GAS7: variants seen among roughly 807,000 people sequenced by gnomAD.
GAS7 encodes growth arrest-specific protein 7.
Under a neutral mutation model 71.1 loss-of-function variants are expected in GAS7, and 28 were observed. The ratio of observed to expected loss-of-function variants is 0.39; its 90% CI spans 0.29 to 0.54. The LOEUF is 0.54. Ranked by LOEUF, GAS7 falls within the 20% of genes least tolerant of loss-of-function variation. The pLI, the probability that GAS7 is intolerant of heterozygous loss-of-function variation, is 0.62. For synonymous variants in GAS7, 258 were observed against 245.8 expected, an observed-to-expected ratio of 1.05 and a Z score of -0.46; for missense variants, 436 against 627.8, an observed-to-expected ratio of 0.69 and a Z score of 3.27.
intron 8 of GAS7, among the ~76,000 whole-genome samples, chr17:9,935,193 A>T (rs1254881717): frequency 6.6e-6 from 1 of 152,164 alleles, no homozygotes; most frequent in East Asian, 1.9e-4. Context: ...TCCCACGGCC[A>T]TCCTAGGAAG....
At chr17:10,143,122 C>T (rs2074095942) in intron 1 of GAS7, among the ~76,000 whole-genome samples, 2 of 152,032 alleles carry the variant, frequency 1.3e-5, no homozygotes, top group Non-Finnish European at 2.9e-5. Context: ...TCGGAGGTTT[C>T]AGTGAGCTGA....
At chr17:10,159,462 C>T (rs976505378) in intron 1 of GAS7, among the ~76,000 whole-genome samples, 2 of 152,052 alleles carry the variant, frequency 1.3e-5, no homozygotes, top group African/African-American at 4.8e-5. Context: ...ACACACTACA[C>T]AGCAATGAGA....
intron 1 of GAS7, among the ~76,000 whole-genome samples, chr17:10,194,196 A>G (rs992062648): frequency 2.0e-5 from 3 of 152,234 alleles, no homozygotes; most frequent in African/African-American, 7.2e-5. Context: ...TTATCCAGCC[A>G]GATCCTGGAT....
At chr17:10,050,466 A>G (rs1357528280) in intron 1 of GAS7, among the ~76,000 whole-genome samples, 1 of 152,166 alleles carries the variant, frequency 6.6e-6, no homozygotes, top group Non-Finnish European at 1.5e-5. Flanking sequence ...CAGTACCCAC[A>G]CAGAGCCCTC....
At position 10,034,113 on chromosome 17, in the gene GAS7, C is replaced by T; in HGVS notation, c.184-14216G>A. 1 of 985,228 alleles carries T rather than the reference C, an allele frequency of 1.0e-6. No homozygotes were observed. The highest frequency in any genetic ancestry group is 1.2e-6 in the Non-Finnish European group (1 of 829,746). The allele number at this position is 985,228 out of a possible 1,614,324, so 61.0% of individuals were successfully genotyped here. ...TGCTATGGAGATGTGAGACCTACCA[C>T]TGCTCTGTGCCACCGTGCGAAGAAC... On this transcript the variant is annotated intron_variant, in intron 1 of 13. Transcript: ENST00000432992. The surrounding 1 kb of genome is among the most constrained non-coding windows in gnomAD (Gnocchi z 4.4).
intron 3 of GAS7, among the ~76,000 whole-genome samples, chr17:9,971,205 TG>T (rs2069946547): frequency 1.3e-5 from 2 of 152,092 alleles, no homozygotes; most frequent in South Asian, 4.2e-4. Flanking sequence ...CAGACCAGCC[TG>T]GGCAACATAG....
intron 11 of GAS7, among the ~76,000 whole-genome samples, chr17:9,923,641 T>C (rs1232627530): frequency 6.6e-6 from 1 of 152,250 alleles, no homozygotes; most frequent in Admixed American, 6.5e-5. Context: ...CAAATCTTGA[T>C]AACACACAAT....
chr17:10,126,440 A>T (rs932136208), intron 1 of GAS7, among the ~76,000 whole-genome samples: 1 of 151,456 alleles, frequency 6.6e-6, no homozygotes. Flanking sequence ...GCAGATGCAC[A>T]CACGCGCGCG....
intron 1 of GAS7, among the ~76,000 whole-genome samples, chr17:10,168,743 C>T (rs544421524): frequency 1.1e-3 from 167 of 152,210 alleles, no homozygotes; most frequent in African/African-American, 3.2e-3. Flanking sequence ...GAGGCTGAGG[C>T]GGGCGGATCA....
intron 1 of GAS7, among the ~76,000 whole-genome samples, chr17:10,150,437 C>T (rs1418011797): frequency 1.3e-5 from 2 of 151,822 alleles, no homozygotes; most frequent in Non-Finnish European, 2.9e-5. Context: ...CACACACACA[C>T]ACACACACAC....
At chr17:9,982,928 A>T (rs1370297957) in intron 2 of GAS7, among the ~76,000 whole-genome samples, 2 of 152,202 alleles carry the variant, frequency 1.3e-5, no homozygotes, top group Non-Finnish European at 2.9e-5. Flanking sequence ...TGTCCCCCAA[A>T]CACTACTTTA....
chr17:9,985,274 G>A (rs1040333908), intron 2 of GAS7, among the ~76,000 whole-genome samples: 1 of 152,140 alleles, frequency 6.6e-6, no homozygotes, highest in Non-Finnish European at 1.5e-5. Context: ...GAAAATCCCT[G>A]GCTAGCTCCT....
intron 1 of GAS7, among the ~76,000 whole-genome samples, chr17:10,168,712 C>T (rs926106527): frequency 9.2e-5 from 14 of 152,198 alleles, no homozygotes; most frequent in African/African-American, 3.4e-4. Context: ...GTGGCTCATG[C>T]CTGTAATCCC....
chr17:9,929,264 GA>G (rs1330103392), intron 9 of GAS7, among the ~76,000 whole-genome samples: 1 of 152,128 alleles, frequency 6.6e-6, no homozygotes, highest in Non-Finnish European at 1.5e-5. Context: ...GGAATGACCT[GA>G]AGAGTTTTCA....
At chr17:10,104,844 G>T (rs898438348) in intron 1 of GAS7, among the ~76,000 whole-genome samples, 1 of 152,066 alleles carries the variant, frequency 6.6e-6, no homozygotes, top group Non-Finnish European at 1.5e-5. Flanking sequence ...TGATCTTCTT[G>T]TTCCACTTTT....
rs999588734 is a variant in GAS7, at chr17:10,178,351, G to A, written c.183+19857C>T. 2.0e-5 allele frequency among the ~76,000 whole-genome samples: 3 copies of A among 151,930 alleles called. 1 individual carries two copies. Among genetic ancestry groups the A allele is most frequent in the Admixed American group, 6.6e-5 (1 of 15,254 alleles). ...GTCCATACCAACATCTCCCAAACTC[G>A]CCGCCCCCACCCCCACACTCTCTGA... is the stretch of plus-strand genomic sequence containing the variant. On this transcript the variant is annotated intron_variant, in intron 1 of 13. Transcript: ENST00000432992.
intron 1 of GAS7, among the ~76,000 whole-genome samples, chr17:10,097,629 C>T (rs1180370426): frequency 2.0e-5 from 3 of 152,138 alleles, no homozygotes; most frequent in African/African-American, 4.8e-5. Context: ...ACCTCAGAGC[C>T]GTAATAACCC....
intron 1 of GAS7, among the ~76,000 whole-genome samples, chr17:10,070,770 A>G (rs1486268857): frequency 6.6e-6 from 1 of 151,912 alleles, no homozygotes; most frequent in East Asian, 2.0e-4. Flanking sequence ...CTCCTGCCCT[A>G]TTCTAAATCT....
rs575199287 is a variant in GAS7, at chr17:10,058,760, T to C, written c.184-38863A>G. Among the ~76,000 whole-genome samples, 26 of 152,316 alleles carry C rather than the reference T, an allele frequency of 1.7e-4. No individual in the cohort carries two copies. The South Asian group carries it at 3.1e-3, about 18-fold the overall frequency. On this transcript the variant is annotated intron_variant, in intron 1 of 13. Transcript: ENST00000432992. ...CAATAGGTTCACACTGGCCGTAACA[T>C]TGACTCATTGCAATGCCAGGGGAAG...
Sources: gnomAD v4.1 joint callset for allele counts (sites outside exome capture counted in the v4.1 genomes callset) on GRCh38, gnomAD v4.1.1 for gene constraint, Gnocchi (gnomAD v3.1) non-coding constraint, MANE v1.5 for transcripts, NCBI Gene and HGNC (gene_info 2026-07-23, HGNC 2026-07-21) for gene names.